PCARE: variants seen among roughly 807,000 people sequenced by gnomAD.
PCARE encodes uncharacterized protein C2orf71.
Under a neutral mutation model 82.2 loss-of-function variants are expected in PCARE, and 72 were observed. The observed-to-expected ratio is 0.88, with a 90% CI of 0.72 to 1.07. The LOEUF (loss-of-function observed/expected upper bound fraction) is 1.07. PCARE is among the 50% of genes least tolerant of loss of function. The probability of loss-of-function intolerance (pLI) is 0.00; values close to 1 mark genes in which losing one functional copy is unlikely to be tolerated. For synonymous variants in PCARE, 705 were observed against 634.8 expected, an observed-to-expected ratio of 1.11 and a Z score of -1.66; for missense variants, 1,768 against 1,592.4, an observed-to-expected ratio of 1.11 and a Z score of -1.88.
chr2:29,068,769 G>A lies in PCARE; in HGVS notation c.3668+1825C>T, dbSNP rs142225352. Among the ~76,000 whole-genome samples, 1,004 of 152,300 alleles carry A rather than the reference G, an allele frequency of 6.6e-3. 8 individuals are homozygous for A. Among genetic ancestry groups the A allele is most frequent in the African/African-American group, 0.023 (946 of 41,548 alleles). On this transcript the variant is annotated intron_variant, in intron 1 of 1. Transcript: ENST00000331664. ...GGAACTCAGCCTGCCCGGGGGAGAG[G>A]TAGCAGCCCCACCCCTGGATTCTGG...
At position 29,063,518 on chromosome 2, in the gene PCARE, G is replaced by C. The variant is rs1422362833; in HGVS notation, c.*1351C>G. ...AGTCCCTAGGGACCCAGTTTAACAA[G>C]TTTTTGAGCCCACAGTCCCAGCAAG... On this transcript the variant is annotated 3_prime_UTR_variant, in exon 2 of 2. Coordinates refer to ENST00000331664, the MANE Select transcript of PCARE (RefSeq NM_001029883.3). The C allele has an allele frequency of 6.6e-6, 1 of 152,604 alleles. No individual in the cohort carries two copies. Among genetic ancestry groups the C allele is most frequent in the Admixed American group, 6.5e-5 (1 of 15,286 alleles). The allele number at this position is 152,604 out of a possible 1,614,324, so 9.5% of individuals were successfully genotyped here.
At position 29,064,722 on chromosome 2, in the gene PCARE, C is replaced by A; in HGVS notation, c.*147G>T. Reference sequence around the variant, plus strand: ...CGGCGATTGTTTAAAATTCAGCAGACCCACTGGGCAGTGCACCTTCCAGGC... The same window carrying A: ...CGGCGATTGTTTAAAATTCAGCAGAACCACTGGGCAGTGCACCTTCCAGGC... On this transcript the variant is annotated 3_prime_UTR_variant, in exon 2 of 2. Coordinates refer to ENST00000331664, the MANE Select transcript of PCARE (RefSeq NM_001029883.3). 1.0e-6 allele frequency: 1 copy of A among 1,005,016 alleles called. No individual in the cohort carries two copies. Among genetic ancestry groups the A allele is most frequent in the Non-Finnish European group, 1.5e-6 (1 of 674,104 alleles). 62.3% of individuals were successfully genotyped at this position (1,005,016 alleles called of 1,614,324 possible).
rs1170237203 is a variant in PCARE, at chr2:29,073,586, A to T, written c.676T>A (p.Phe226Ile). The T allele has an allele frequency of 1.9e-5, 31 of 1,614,050 alleles. No homozygotes were observed. Among genetic ancestry groups the T allele is most frequent in the Non-Finnish European group, 2.5e-5 (30 of 1,180,036 alleles). Residue 226 changes from phenylalanine to isoleucine, a missense_variant, in exon 1 of 2, where the codon TTT becomes ATT. By Grantham distance (21) the Phe-to-Ile change is conservative. Coordinates refer to ENST00000331664, the MANE Select transcript of PCARE (RefSeq NM_001029883.3). ...QPMVSFLLLCFEEISQLLGEI... is the reference protein window; with the variant it reads ...QPMVSFLLLCIEEISQLLGEI... ...CCCAACAGCTGGCTGATCTCCTCAA[A>T]GCACAGCAGCAAGAAGCTGACCATG...
chr2:29,073,741 A>T lies in PCARE; in HGVS notation c.521T>A (p.Val174Glu), dbSNP rs915199115. Reference protein sequence around the residue: ...IHPAHEPEGKVDFPEPLVKAH... With the variant: ...IHPAHEPEGKEDFPEPLVKAH... Reference sequence around the variant, plus strand: ...CTTTACCAGAGGCTCCGGGAAGTCCACTTTGCCTTCAGGCTCATGAGCAGG... The same window carrying T: ...CTTTACCAGAGGCTCCGGGAAGTCCTCTTTGCCTTCAGGCTCATGAGCAGG... Residue 174 changes from valine to glutamate, a missense_variant, in exon 1 of 2, where the codon GTG becomes GAG. Val to Glu is a moderately radical substitution (Grantham distance 121). Transcript: ENST00000331664. 1 of 1,614,174 alleles carries T rather than the reference A, an allele frequency of 6.2e-7. No individual in the cohort carries two copies. The highest frequency in any genetic ancestry group is 8.5e-7 in the Non-Finnish European group (1 of 1,180,028).
chr2:29,071,510 T>C lies in PCARE; in HGVS notation c.2752A>G (p.Arg918Gly). Residue 918 changes from arginine (R) to glycine (G), a missense_variant, in exon 1 of 2, where the codon AGG becomes GGG. Transcript: ENST00000331664. ...PGSGRSSCQP[R>G]KPALDLSSPP... Reference sequence around the variant, plus strand: ...CTGCTCAGGTCCAGGGCTGGCTTCCTGGGCTGGCAGCTGCTCCTGCCACTC... The same window carrying C: ...CTGCTCAGGTCCAGGGCTGGCTTCCCGGGCTGGCAGCTGCTCCTGCCACTC... 6.2e-7 allele frequency: 1 copy of C among 1,608,992 alleles called. No individual in the cohort carries two copies. Among genetic ancestry groups the C allele is most frequent in the Non-Finnish European group, 8.5e-7 (1 of 1,179,836 alleles).
intron 1 of PCARE, among the ~76,000 whole-genome samples, chr2:29,069,147 G>C (rs1422795451): frequency 6.6e-6 from 1 of 152,162 alleles, no homozygotes; most frequent in African/African-American, 2.4e-5. Context: ...TAAGCCAGAT[G>C]CTAAAAAGGT....
At position 29,072,280 on chromosome 2, in the gene PCARE, T is replaced by G. The variant is rs763349845; in HGVS notation, c.1982A>C (p.Asn661Thr). The G allele has an allele frequency of 3.2e-5, 52 of 1,614,100 alleles. 1 individual carries two copies. The Middle Eastern group carries it at 4.9e-4, about 15-fold the overall frequency. ...PNGTCRVSPS[N>T]TTSRLKASLT... is the part of the protein sequence containing the mutation. ...GGATGCCTTGAGCCTGCTGGTGGTG[T>G]TGCTTGGACTGACCCTGCAGGTGCC... is the stretch of plus-strand genomic sequence containing the variant. Residue 661 changes from asparagine to threonine, a missense_variant, in exon 1 of 2, where the codon AAC becomes ACC. Transcript: ENST00000331664.
At chr2:29,066,277 C>T (rs1287812219) in intron 1 of PCARE, among the ~76,000 whole-genome samples, 1 of 152,150 alleles carries the variant, frequency 6.6e-6, no homozygotes, top group Non-Finnish European at 1.5e-5. Flanking sequence ...ATAAGTGCCC[C>T]ATAGGTGGGT....
At position 29,072,925 on chromosome 2, in the gene PCARE, G is replaced by A. The variant is rs1370804296; in HGVS notation, c.1337C>T (p.Pro446Leu). 9 of 1,614,180 alleles carry A rather than the reference G, an allele frequency of 5.6e-6. No homozygotes were observed. Among genetic ancestry groups the A allele is most frequent in the Non-Finnish European group, 7.6e-6 (9 of 1,180,038 alleles). ...SSTSPENITS[P>L]PLKLGTSTPC... ...GGTGCTTGTCCCCAGCTTCAAAGGT[G>A]GGGAGGTGATATTTTCTGGGCTTGT... is the stretch of plus-strand genomic sequence containing the variant. The change falls in exon 1 of 2, where the codon CCA becomes CTA. Residue 446 changes from proline (P) to leucine (L), a missense_variant. Coordinates refer to ENST00000331664, the MANE Select transcript of PCARE (RefSeq NM_001029883.3).
rs1193681432 is a variant in PCARE at position 29,073,302 on chromosome 2, G to C, written c.960C>G (p.Arg320=). The stretch of plus-strand genomic sequence containing the variant: ...CTAGCTGCCTCAGAGCCCTCAGGAG[G>C]CGTTCATCCACATTCCTTTTTGTGC... The part of the protein sequence containing the change: ...KLSTKRNVDE[R]LLRALRQLES... The change falls in exon 1 of 2, where the codon CGC becomes CGG. Residue 320 remains arginine, a synonymous_variant. Transcript: ENST00000331664. 4 of 1,614,060 alleles carry C rather than the reference G, an allele frequency of 2.5e-6. No individual in the cohort carries two copies. The highest frequency in any genetic ancestry group is 3.4e-6 in the Non-Finnish European group (4 of 1,180,036).
Position 29,064,395 on chromosome 2 carries a change from A to G in PCARE, c.*474T>C, listed in dbSNP as rs757874160. ...ACTCATCTGTGCAAAATTTTGCTCT[A>G]TTCTCTTCTTAGCTGTATGACCTTC... On this transcript the variant is annotated 3_prime_UTR_variant, in exon 2 of 2. Transcript: ENST00000331664. 2.2e-4 allele frequency: 45 copies of G among 204,324 alleles called. 1 individual carries two copies. The highest frequency in any genetic ancestry group is 3.7e-4 in the Non-Finnish European group (37 of 99,058). 12.7% of individuals were successfully genotyped at this position (204,324 alleles called of 1,614,324 possible). A position where few individuals can be genotyped will look rare whatever the true frequency, so the allele number is the denominator to read the frequency against.
At chr2:29,067,880 C>T (rs960606173) in intron 1 of PCARE, among the ~76,000 whole-genome samples, 4 of 152,126 alleles carry the variant, frequency 2.6e-5, no homozygotes, top group African/African-American at 2.4e-5. Context: ...ACCTCCCTGC[C>T]GCCCCTGCCC....
Position 29,074,377 on chromosome 2 carries a change from C to A in PCARE, c.-116G>T. 1 of 1,105,994 alleles carries A rather than the reference C, an allele frequency of 9.0e-7. No individual in the cohort carries two copies. The highest frequency in any genetic ancestry group is 1.6e-5 in the African/African-American group (1 of 63,742). 68.5% of individuals were successfully genotyped at this position (1,105,994 alleles called of 1,614,324 possible). On this transcript the variant is annotated 5_prime_UTR_variant, in exon 1 of 2. The change creates a premature stop within an existing upstream ORF in the 5' untranslated region. Coordinates refer to ENST00000331664, the MANE Select transcript of PCARE (RefSeq NM_001029883.3). The stretch of plus-strand genomic sequence containing the variant: ...TCCAGGCAATTTTCAGGCCAGAATT[C>A]TTTGAAGTCCATGGTACAATATCCT...
chr2:29,067,170 G>A (rs899619540), intron 1 of PCARE, among the ~76,000 whole-genome samples: 4 of 152,198 alleles, frequency 2.6e-5, no homozygotes, highest in African/African-American at 7.2e-5. Context: ...CTGCATGTCC[G>A]TGCTTGGGGA....
At position 29,070,991 on chromosome 2, in the gene PCARE, G is replaced by T. The variant is rs775685036; in HGVS notation, c.3271C>A (p.Pro1091Thr). ...TGCTCCTGAGAAGGGGACATTGGGG[G>T]TGATGGGGAGGGAATCGAGAAAGGG... is the stretch of plus-strand genomic sequence containing the variant. Reference protein sequence around the residue: ...SPPFSIPSPSPPMSPSQEHKE... With the variant: ...SPPFSIPSPSTPMSPSQEHKE... Residue 1091 changes from proline to threonine, a missense_variant, in exon 1 of 2, where the codon CCC (proline) becomes ACC (threonine). Coordinates refer to ENST00000331664, the MANE Select transcript of PCARE (RefSeq NM_001029883.3). The T allele has an allele frequency of 3.0e-5, 49 of 1,610,696 alleles. No homozygotes were observed. In the Admixed American group the frequency reaches 6.0e-4, roughly 20 times the overall value.
At chr2:29,070,105 G>GAT (rs139616331) in intron 1 of PCARE, among the ~76,000 whole-genome samples, 33,638 of 151,302 alleles carry the variant, frequency 0.22, 4,071 homozygotes, top group East Asian at 0.36. Context: ...ATTTTTTTGA[G>GAT]ATATATATAT....
In PCARE at chr2:29,070,853, G is replaced by A. The variant is rs375244943; in HGVS notation, c.3409C>T (p.Leu1137Phe). The A allele has an allele frequency of 1.9e-6, 3 of 1,613,986 alleles. No individual in the cohort carries two copies. Among genetic ancestry groups the A allele is most frequent in the Non-Finnish European group, 2.5e-6 (3 of 1,180,028 alleles). Residue 1137 changes from leucine to phenylalanine, a missense_variant, in exon 1 of 2, where the codon CTC becomes TTC. Physicochemically the swap from Leu to Phe is conservative, Grantham distance 22. Transcript: ENST00000331664. ...TSSLFEAKPP[L>F]STAHPLTPPS... The stretch of plus-strand genomic sequence containing the variant: ...GGGGTCAGTGGGTGGGCTGTTGAGA[G>A]TGGCGGTTTAGCTTCAAACAGAGAG...
Position 29,074,127 on chromosome 2 carries a change from A to G in PCARE, c.135T>C (p.Val45=). 2 of 1,614,032 alleles carry G rather than the reference A, an allele frequency of 1.2e-6. No homozygotes were observed. Among genetic ancestry groups the G allele is most frequent in the Non-Finnish European group, 1.7e-6 (2 of 1,179,946 alleles). Residue 45 remains valine, a synonymous_variant, in exon 1 of 2, where the codon GTT becomes GTC. Coordinates refer to ENST00000331664, the MANE Select transcript of PCARE (RefSeq NM_001029883.3). ...CAGCGTCATAGCAGGTGGAGTTTTT[A>G]ACCAGCAAAGGGATGGAACCTCTTT... is the stretch of plus-strand genomic sequence containing the variant. ...GSERGSIPLL[V]KNSTCYDAGE...
chr2:29,070,855 G>A lies in PCARE; in HGVS notation c.3407C>T (p.Pro1136Leu), dbSNP rs1293160620. The A allele has an allele frequency of 3.7e-5, 59 of 1,613,840 alleles. No homozygotes were observed. Among genetic ancestry groups the A allele is most frequent in the Non-Finnish European group, 4.9e-5 (58 of 1,180,034 alleles). Residue 1136 changes from proline to leucine, a missense_variant, in exon 1 of 2, where the codon CCA becomes CTA. Coordinates refer to ENST00000331664, the MANE Select transcript of PCARE (RefSeq NM_001029883.3). ...GGTCAGTGGGTGGGCTGTTGAGAGT[G>A]GCGGTTTAGCTTCAAACAGAGAGGA... ...ATSSLFEAKP[P>L]LSTAHPLTPP...
Sources: gnomAD v4.1 joint callset for allele counts (sites outside exome capture counted in the v4.1 genomes callset) on GRCh38, gnomAD v4.1.1 for gene constraint, MANE v1.5 for transcripts, NCBI Gene and HGNC (gene_info 2026-07-23, HGNC 2026-07-21) for gene names.